The following GPHN variants were observed in gnomAD, a reference collection of about 807,000 sequenced individuals.
GPHN encodes gephyrin.
In GPHN, 17 loss-of-function variants were observed where a neutral mutation model predicts 95.5. The observed-to-expected ratio is 0.18, with a 90% confidence interval of 0.12 to 0.27. The LOEUF is 0.27. Among genes scored for constraint, GPHN ranks in the 10% least tolerant of loss-of-function variants. GPHN has a pLI of 1.00. For synonymous variants in GPHN, 320 were observed against 322.5 expected (o/e 0.99, Z 0.08); for missense variants, 660 against 978.1 (o/e 0.67, Z 4.34).
intron 20 of GPHN, among the ~76,000 whole-genome samples, chr14:67,167,003 G>C (rs1000226680): frequency 6.6e-6 from 1 of 152,168 alleles, no homozygotes; most frequent in African/African-American, 2.4e-5. Flanking sequence ...GTGTATTTCT[G>C]CTTTCCTGTA....
intron 15 of GPHN, 128 bp downstream of exon 15, chr14:67,112,047 A>C: frequency 1.3e-6 from 1 of 746,252 alleles, no homozygotes; most frequent in Non-Finnish European, 2.4e-6. Flanking sequence ...CTTTAACAAA[A>C]AGCAAAATGA....
the GPHN span, chr14:67,674,293 G>A: frequency 6.1e-6 from 8 of 1,315,304 alleles, no homozygotes; most frequent in Non-Finnish European, 8.2e-6. Context: ...CGCGGGCCCG[G>A]GTCTGGGAGG....
At chr14:67,363,092 C>G in the GPHN span, among the ~76,000 whole-genome samples, 2 of 152,196 alleles carry the variant, frequency 1.3e-5, no homozygotes, top group East Asian at 3.9e-4. Context: ...GGTCAAATGT[C>G]TTGCAACTGT....
At chr14:67,473,262 A>C in the GPHN span, 3 of 994,896 alleles carry the variant, frequency 3.0e-6, no homozygotes, top group Non-Finnish European at 4.4e-6. This position sits in a 1 kb window ranked among gnomAD's most constrained non-coding sequence, Gnocchi z 6.5. Context: ...GCCCCCCAAC[A>C]CCGGCCCCCG....
chr14:67,330,062 G>C, the GPHN span, among the ~76,000 whole-genome samples: 817 of 150,016 alleles, frequency 5.4e-3, 5 homozygotes, highest in Admixed American at 0.01. Flanking sequence ...ATTGTGGTAA[G>C]AGAGAATATA....
the GPHN span, among the ~76,000 whole-genome samples, chr14:67,526,629 T>C: frequency 6.6e-6 from 1 of 152,188 alleles, no homozygotes; most frequent in Non-Finnish European, 1.5e-5. Flanking sequence ...TAAATCCCCA[T>C]TAATCACCAC....
intron 1 of GPHN, among the ~76,000 whole-genome samples, chr14:66,585,495 A>G (rs1361260323): frequency 2.0e-5 from 3 of 152,058 alleles, no homozygotes; most frequent in East Asian, 1.9e-4. Flanking sequence ...TGTCAATTTT[A>G]GATCTTTCCT....
intron 2 of GPHN, among the ~76,000 whole-genome samples, chr14:66,761,393 T>G (rs2058748808): frequency 6.6e-6 from 1 of 152,180 alleles, no homozygotes; most frequent in African/African-American, 2.4e-5. Flanking sequence ...TTTATTAATA[T>G]TATAGAAGGG....
At chr14:67,610,634 C>T in the GPHN span, among the ~76,000 whole-genome samples, 14 of 152,112 alleles carry the variant, frequency 9.2e-5, no homozygotes, top group African/African-American at 3.4e-4. Flanking sequence ...CTTGGAGATC[C>T]TTTTCAGATT....
chr14:67,347,376 GAC>G, the GPHN span: 1 of 1,545,134 alleles, frequency 6.5e-7, no homozygotes, highest in Admixed American at 1.8e-5. Context: ...AAATCCCAGA[GAC>G]ACAAAGTAAT....
chr14:67,286,283 C>A, the GPHN span, among the ~76,000 whole-genome samples: 3 of 152,174 alleles, frequency 2.0e-5, no homozygotes, highest in African/African-American at 7.2e-5. Context: ...TTCTCTCTTT[C>A]TCTGTCCATG....
the GPHN span, among the ~76,000 whole-genome samples, chr14:67,490,592 C>G: frequency 6.6e-6 from 1 of 152,188 alleles, no homozygotes; most frequent in Admixed American, 6.5e-5. Flanking sequence ...AAATTCCCTT[C>G]GCACCATTTT....
the GPHN span, among the ~76,000 whole-genome samples, chr14:67,215,859 C>T: frequency 6.7e-4 from 102 of 152,252 alleles, no homozygotes; most frequent in African/African-American, 2.4e-3. Context: ...ACTTCAAAAT[C>T]ATACCACAAA....
chr14:67,302,453 G>A, the GPHN span: 5 of 1,598,308 alleles, frequency 3.1e-6, no homozygotes, highest in South Asian at 3.4e-5. Context: ...ATCATTAGCC[G>A]GATAGTAAAA....
Position 66,581,019 on chromosome 14 carries a change from T to C in GPHN, c.64+72428T>C, listed in dbSNP as rs1248773068. ...TGTCTGTGGTTCAACATTTACAAGT[T>C]GATAAATGTCATACATTAATAGAAT... On this transcript the variant is annotated intron_variant, in intron 1 of 22. Transcript: ENST00000478722. Among the ~76,000 whole-genome samples the C allele has an allele frequency of 2.0e-5, 3 of 151,786 alleles. No homozygotes were observed. In the East Asian group the frequency reaches 5.8e-4, roughly 29 times the overall value.
chr14:67,592,769 T>A, the GPHN span: 1 of 1,059,470 alleles, frequency 9.4e-7, no homozygotes, highest in East Asian at 2.5e-5. Flanking sequence ...TCATTTTGCA[T>A]TCTTTTTTTC....
chr14:67,666,768 G>A, the GPHN span, among the ~76,000 whole-genome samples: 4 of 152,152 alleles, frequency 2.6e-5, no homozygotes, highest in Non-Finnish European at 5.9e-5. Flanking sequence ...AACAGCAAAT[G>A]TATGGCAGCA....
intron 6 of GPHN, 41 bp from the exon 7 acceptor site, chr14:66,922,625 A>AG: frequency 1.3e-6 from 2 of 1,532,692 alleles, no homozygotes; most frequent in East Asian, 4.5e-5. Context: ...TAATTACAAA[A>AG]GTGCTTCATC....
chr14:66,804,599 T>C (rs2060476598), intron 3 of GPHN, among the ~76,000 whole-genome samples: 1 of 152,196 alleles, frequency 6.6e-6, no homozygotes, highest in Admixed American at 6.5e-5. Flanking sequence ...TTAGCAGAGG[T>C]TGTCTGCCTA....
Sources: allele counts gnomAD v4.1 joint callset (sites outside exome capture counted in the v4.1 genomes callset), GRCh38; gene constraint gnomAD v4.1.1; non-coding constraint Gnocchi (gnomAD v3.1); transcripts MANE v1.5; gene names NCBI Gene and HGNC (gene_info 2026-07-23, HGNC 2026-07-21).